Variants in SLC25A28 observed in about 807,000 individuals in gnomAD.
The protein encoded by SLC25A28 is mitoferrin-2.
SLC25A28 carries 10 observed loss-of-function variants against 31.9 expected under a neutral mutation model. The observed-to-expected ratio is 0.31, with a 90% CI of 0.19 to 0.53. The LOEUF is 0.53. SLC25A28 is among the 20% of genes least tolerant of loss of function. The pLI, the probability that SLC25A28 is intolerant of heterozygous loss-of-function variation, is 0.95. For synonymous variants in SLC25A28, 208 were observed against 203.6 expected, an observed-to-expected ratio of 1.02 and a Z score of -0.19; for missense variants, 256 against 490.3, an observed-to-expected ratio of 0.52 and a Z score of 4.51.
chr10:99,616,867 T>G, intron 1 of SLC25A28: 1 of 925,076 alleles, frequency 1.1e-6, no homozygotes, highest in Non-Finnish European at 1.3e-6. Flanking sequence ...CTTCATGAAG[T>G]TGCTTCACAG....
the SLC25A28 span, among the ~76,000 whole-genome samples, chr10:99,653,559 T>A: frequency 6.6e-6 from 1 of 152,182 alleles, no homozygotes; most frequent in East Asian, 1.9e-4. Context: ...AGTTTTGGAG[T>A]AATTTGCTAT....
the SLC25A28 span, among the ~76,000 whole-genome samples, chr10:99,626,871 C>T: frequency 9.9e-5 from 15 of 152,012 alleles, no homozygotes; most frequent in Admixed American, 9.2e-4. Context: ...CCTTCTTCCC[C>T]AGATTCCTTA....
chr10:99,646,575 T>C, the SLC25A28 span, among the ~76,000 whole-genome samples: 1 of 152,182 alleles, frequency 6.6e-6, no homozygotes, highest in Admixed American at 6.5e-5. Context: ...TCTGACAGGC[T>C]CCAGTGAGAT....
At chr10:99,615,814 A>G in intron 1 of SLC25A28, 1 of 985,372 alleles carries the variant, frequency 1.0e-6, no homozygotes, top group Non-Finnish European at 1.2e-6. Flanking sequence ...TTCAAAACTG[A>G]TCTTGTATAA....
the SLC25A28 span, among the ~76,000 whole-genome samples, chr10:99,639,697 C>T: frequency 7.4e-6 from 1 of 135,410 alleles, no homozygotes; most frequent in Non-Finnish European, 1.6e-5. Flanking sequence ...TGATCTTATT[C>T]CAAGGACTGG....
upstream of SLC25A28, chr10:99,620,755 G>C (rs960345174): frequency 4.1e-6 from 4 of 985,390 alleles, no homozygotes; most frequent in Admixed American, 6.1e-5. Context: ...TACTTTGACC[G>C]CGGCCATTGG....
chr10:99,624,207 CTTTCTTTCTT>C (rs1238496559), upstream of SLC25A28, among the ~76,000 whole-genome samples: 1 of 134,290 alleles, frequency 7.4e-6, no homozygotes, highest in Non-Finnish European at 1.6e-5. Flanking sequence ...TTCTTTGTTT[CTTTCTTTCTT>C]TTTCTTTCTT....
chr10:99,615,316 A>G (rs899841967), intron 1 of SLC25A28: 8 of 794,724 alleles, frequency 1.0e-5, no homozygotes, highest in Admixed American at 6.7e-5. Context: ...GGTTTGAGCC[A>G]CTGCACGGCA....
intron 1 of SLC25A28, chr10:99,617,506 C>G (rs2133354389): frequency 1.1e-6 from 1 of 874,000 alleles, no homozygotes; most frequent in South Asian, 5.7e-5. Flanking sequence ...TGCTTTTCCT[C>G]CCCACTCATC....
intron 1 of SLC25A28, chr10:99,617,941 T>C (rs975223157): frequency 1.3e-5 from 4 of 318,344 alleles, no homozygotes; most frequent in African/African-American, 6.7e-5. Context: ...ATGCAAAACC[T>C]TTCTGGAACT....
At chr10:99,636,649 G>A in the SLC25A28 span, among the ~76,000 whole-genome samples, 2 of 152,192 alleles carry the variant, frequency 1.3e-5, no homozygotes, top group Admixed American at 6.5e-5. Context: ...ATCATTCAAG[G>A]CTACTATGAA....
chr10:99,629,975 A>G, the SLC25A28 span, among the ~76,000 whole-genome samples: 1 of 152,142 alleles, frequency 6.6e-6, no homozygotes, highest in African/African-American at 2.4e-5. Context: ...GGAGTTCAAG[A>G]CCAGCCTGGG....
At chr10:99,650,785 T>C in the SLC25A28 span, among the ~76,000 whole-genome samples, 1 of 151,894 alleles carries the variant, frequency 6.6e-6, no homozygotes, top group South Asian at 2.1e-4. Context: ...CTCCCAGGGG[T>C]GTGTGAGAGC....
chr10:99,646,176 G>A, the SLC25A28 span, among the ~76,000 whole-genome samples: 1 of 152,314 alleles, frequency 6.6e-6, no homozygotes, highest in South Asian at 2.1e-4. Context: ...TACAGAGGCA[G>A]GAAGGCCTCC....
At chr10:99,649,588 T>C in the SLC25A28 span, among the ~76,000 whole-genome samples, 1 of 152,160 alleles carries the variant, frequency 6.6e-6, no homozygotes, top group Non-Finnish European at 1.5e-5. Flanking sequence ...TTCTGGGCTT[T>C]TTTTGTTGTT....
chr10:99,653,987 G>T, the SLC25A28 span: 1 of 152,208 alleles, frequency 6.6e-6, no homozygotes, highest in Non-Finnish European at 1.5e-5. Context: ...TTATGGAGGA[G>T]GTAACATTTG....
At chr10:99,617,270 TTATA>T (rs1270933791) in intron 1 of SLC25A28, 113 of 985,314 alleles carry the variant, frequency 1.1e-4, no homozygotes, top group Non-Finnish European at 1.3e-4. Flanking sequence ...AGCCTCTCCA[TTATA>T]GCCATGGAAA....
chr10:99,612,399 G>A (rs2133336344), intron 3 of SLC25A28, 144 bp downstream of exon 3: 1 of 849,006 alleles, frequency 1.2e-6, no homozygotes, highest in Non-Finnish European at 1.9e-6. Context: ...TGCCTCGTTA[G>A]GTACCAAAAA....
the SLC25A28 span, among the ~76,000 whole-genome samples, chr10:99,628,344 C>T: frequency 6.6e-6 from 1 of 152,194 alleles, no homozygotes; most frequent in African/African-American, 2.4e-5. Context: ...GGGGAAAGTA[C>T]ATGTTTACAT....
Sources: allele counts gnomAD v4.1 joint callset (sites outside exome capture counted in the v4.1 genomes callset), GRCh38; gene constraint gnomAD v4.1.1; transcripts MANE v1.5; gene names NCBI Gene and HGNC (gene_info 2026-07-23, HGNC 2026-07-21).